The following BCR variants were observed in gnomAD, a reference collection of about 807,000 sequenced individuals.
BCR encodes breakpoint cluster region protein.
BCR carries 58 observed loss-of-function variants against 138.6 expected under a neutral mutation model. The ratio of observed to expected loss-of-function variants is 0.42; its 90% confidence interval spans 0.34 to 0.52. The LOEUF is 0.52. Among genes scored for constraint, BCR ranks in the 20% least tolerant of loss-of-function variants. The pLI, the probability that BCR is intolerant of heterozygous loss-of-function variation, is 0.06. For missense variants in BCR, 1,599 were observed against 1,727.2 expected, an observed-to-expected ratio of 0.93 and a Z score of 1.32; for synonymous variants, 786 against 730.1, an observed-to-expected ratio of 1.08 and a Z score of -1.23.
intron 1 of BCR, among the ~76,000 whole-genome samples, chr22:23,245,004 G>T (rs550961742): frequency 6.6e-6 from 1 of 152,260 alleles, no homozygotes; most frequent in South Asian, 2.1e-4. Flanking sequence ...GAAGAGAGGG[G>T]GTTCTCCTCT....
intron 1 of BCR, among the ~76,000 whole-genome samples, chr22:23,207,353 A>C (rs928883141): frequency 6.6e-6 from 1 of 152,146 alleles, no homozygotes; most frequent in Non-Finnish European, 1.5e-5. Flanking sequence ...AATGGACTCA[A>C]AAGGAGTATA....
At chr22:23,237,602 A>G (rs2073041165) in intron 1 of BCR, among the ~76,000 whole-genome samples, 1 of 152,150 alleles carries the variant, frequency 6.6e-6, no homozygotes, top group South Asian at 2.1e-4. Flanking sequence ...TTGCAGCCCC[A>G]GGGGAGTAAG....
intron 1 of BCR, among the ~76,000 whole-genome samples, chr22:23,245,959 T>C (rs557200397): frequency 6.6e-6 from 1 of 152,334 alleles, no homozygotes; most frequent in East Asian, 1.9e-4. Flanking sequence ...AGGAAACCCC[T>C]GCCCATTAAG....
Position 23,285,073 on chromosome 22 carries a change from A to G in BCR, c.2278A>G (p.Thr760Ala), listed in dbSNP as rs991565078. The change falls in exon 10 of 23, where the codon ACG becomes GCG. Residue 760 changes from threonine to alanine, a missense_variant. Physicochemically the swap from Thr to Ala is moderately conservative, Grantham distance 58 (BLOSUM62 0). Transcript: ENST00000305877. ...QYDCKWYIPL[T>A]DLSFQMVDEL... ...TGACTGCAAATGGTACATTCCGCTC[A>G]CGGATCTCAGCTTCCAGATGGTGGA... The G allele has an allele frequency of 6.2e-7, 1 of 1,614,060 alleles. No individual in the cohort carries two copies. Among genetic ancestry groups the G allele is most frequent in the Non-Finnish European group, 8.5e-7 (1 of 1,180,004 alleles).
chr22:23,186,221 G>A (rs1243319075), intron 1 of BCR, among the ~76,000 whole-genome samples: 1 of 152,222 alleles, frequency 6.6e-6, no homozygotes, highest in Non-Finnish European at 1.5e-5. Flanking sequence ...GGCAGCAAAG[G>A]CCTGGGGCCA....
At chr22:23,261,778 A>T (rs1434526284) in intron 4 of BCR, 2 of 265,562 alleles carry the variant, frequency 7.5e-6, no homozygotes, top group African/African-American at 4.6e-5. Context: ...AGTTATTTTT[A>T]AAAAGAGATG....
chr22:23,257,861 AT>A (rs776556924), intron 2 of BCR, among the ~76,000 whole-genome samples: 1 of 152,172 alleles, frequency 6.6e-6, no homozygotes, highest in Non-Finnish European at 1.5e-5. Flanking sequence ...GCCCTCAGAG[AT>A]TCATAAAAAC....
chr22:23,186,860 C>T (rs879232116), intron 1 of BCR, among the ~76,000 whole-genome samples: 5 of 152,136 alleles, frequency 3.3e-5, no homozygotes, highest in Non-Finnish European at 7.4e-5. Flanking sequence ...TTCAGCCTCC[C>T]GAGTAGCTGG....
chr22:23,287,564 G>A (rs1330396535), intron 11 of BCR, among the ~76,000 whole-genome samples: 1 of 152,206 alleles, frequency 6.6e-6, no homozygotes, highest in African/African-American at 2.4e-5. Flanking sequence ...TTGGTACAGG[G>A]ATGCTGTCCT....
intron 4 of BCR, among the ~76,000 whole-genome samples, chr22:23,265,287 G>A (rs1253372474): frequency 2.6e-5 from 4 of 152,240 alleles, no homozygotes; most frequent in Admixed American, 6.5e-5. Flanking sequence ...CCATAACGAC[G>A]AGCTGAGTAC....
intron 2 of BCR, among the ~76,000 whole-genome samples, chr22:23,255,383 C>T (rs2146269289): frequency 6.6e-6 from 1 of 152,276 alleles, no homozygotes; most frequent in Non-Finnish European, 1.5e-5. Flanking sequence ...GGTGAAGTAA[C>T]TTGCTTGGGC....
rs184989604 is a variant in BCR at position 23,304,943 on chromosome 22, C to T, written c.3013-4481C>T. On this transcript the variant is annotated intron_variant, in intron 16 of 22. Transcript: ENST00000305877. ...CAGCCTGACCAACATGGTGAAACCTCGTCTCTACTAAAAATACAAAAATTA... is the reference window on the plus strand; with the variant it reads ...CAGCCTGACCAACATGGTGAAACCTTGTCTCTACTAAAAATACAAAAATTA... Among the ~76,000 whole-genome samples, 448 of 152,132 alleles carry T rather than the reference C, an allele frequency of 2.9e-3. 3 individuals are homozygous for T. Among genetic ancestry groups the T allele is most frequent in the Non-Finnish European group, 5.2e-3 (354 of 68,000 alleles).
intron 1 of BCR, chr22:23,251,016 A>AGCCC (rs2073220466): frequency 6.6e-6 from 1 of 152,258 alleles, no homozygotes; most frequent in Admixed American, 6.5e-5. Flanking sequence ...TGGTACCTGG[A>AGCCC]GCCCCCTCGA....
intron 19 of BCR, chr22:23,312,053 T>A: frequency 1.1e-6 from 1 of 926,500 alleles, no homozygotes; most frequent in Non-Finnish European, 1.5e-6. Flanking sequence ...TGCCACTTGC[T>A]GGGGTAGGCC....
chr22:23,247,880 A>G (rs546849745), intron 1 of BCR, among the ~76,000 whole-genome samples: 1 of 152,302 alleles, frequency 6.6e-6, no homozygotes, highest in African/African-American at 2.4e-5. Context: ...ATGAGATTGC[A>G]TGTGTCAAAA....
chr22:23,231,067 G>A (rs1001262576), intron 1 of BCR, among the ~76,000 whole-genome samples: 9 of 152,200 alleles, frequency 5.9e-5, no homozygotes, highest in Non-Finnish European at 1.0e-4. Context: ...AAACCTTATA[G>A]TGCTGTGTTG....
At chr22:23,233,796 A>G (rs2072988039) in intron 1 of BCR, among the ~76,000 whole-genome samples, 1 of 93,552 alleles carries the variant, frequency 1.1e-5, no homozygotes, top group South Asian at 3.8e-4. Flanking sequence ...TCTCAAAAAA[A>G]AAAAAAAGAA....
chr22:23,212,952 T>G (rs2072703795), intron 1 of BCR, among the ~76,000 whole-genome samples: 1 of 152,214 alleles, frequency 6.6e-6, no homozygotes, highest in Non-Finnish European at 1.5e-5. Context: ...CAGCTTTAAC[T>G]TGATTCCTGG....
At chr22:23,229,308 C>G (rs965937192) in intron 1 of BCR, among the ~76,000 whole-genome samples, 1 of 152,082 alleles carries the variant, frequency 6.6e-6, no homozygotes, top group Non-Finnish European at 1.5e-5. Flanking sequence ...GCTTTAAAGT[C>G]TTAGTCTGAT....
Sources: allele counts gnomAD v4.1 joint callset (sites outside exome capture counted in the v4.1 genomes callset), GRCh38; gene constraint gnomAD v4.1.1; transcripts MANE v1.5; gene names NCBI Gene and HGNC (gene_info 2026-07-23, HGNC 2026-07-21).